DLG2: variants seen among roughly 807,000 people sequenced by gnomAD.
DLG2 encodes the protein disks large homolog 2.
A neutral mutation model predicts 132.5 loss-of-function variants in DLG2; 45 were observed. That is an observed-to-expected ratio of 0.34 (90% CI 0.27 to 0.44). The LOEUF is 0.44. DLG2 is among the 20% of genes least tolerant of loss of function. The probability of loss-of-function intolerance (pLI) is 1.00; values close to 1 mark genes in which losing one functional copy is unlikely to be tolerated. For missense variants in DLG2, 1,045 were observed against 1,196.9 expected, an observed-to-expected ratio of 0.87 and a Z score of 1.87; for synonymous variants, 424 against 419.6, an observed-to-expected ratio of 1.01 and a Z score of -0.13.
chr11:85,494,549 T>C (rs1239381975), intron 3 of DLG2, among the ~76,000 whole-genome samples: 7 of 151,756 alleles, frequency 4.6e-5, no homozygotes, highest in Admixed American at 4.6e-4. Context: ...TTTTTTAATC[T>C]TAAAAGTAAG....
In DLG2 at chr11:83,635,145, G is replaced by T. The variant is rs962374478; in HGVS notation, c.1826-1820C>A. On this transcript the variant is annotated intron_variant, in intron 18 of 27. Coordinates refer to ENST00000376104, the MANE Select transcript of DLG2 (RefSeq NM_001142699.3). Reference sequence around the variant, plus strand: ...AGTCCCAGCTATTTGGGAGACCGAGGCAGGAAAATCACTTGAGCCCAGGAT... The same window carrying T: ...AGTCCCAGCTATTTGGGAGACCGAGTCAGGAAAATCACTTGAGCCCAGGAT... 4.6e-5 allele frequency among the ~76,000 whole-genome samples: 7 copies of T among 152,250 alleles called. No homozygotes were observed. The South Asian group carries it at 1.2e-3, about 27-fold the overall frequency.
intron 18 of DLG2, among the ~76,000 whole-genome samples, chr11:83,637,737 G>A (rs1022099707): frequency 3.9e-4 from 59 of 152,178 alleles, no homozygotes; most frequent in African/African-American, 1.3e-3. Context: ...TTCATCTATT[G>A]TGTTAGTCAG....
intron 5 of DLG2, among the ~76,000 whole-genome samples, chr11:85,117,131 T>C (rs1330680861): frequency 2.0e-5 from 3 of 151,994 alleles, no homozygotes; most frequent in African/African-American, 7.2e-5. Context: ...TCTGGAGCCA[T>C]TGTAACACCT....
chr11:84,721,539 G>C (rs1156666189), intron 6 of DLG2, among the ~76,000 whole-genome samples: 1 of 113,774 alleles, frequency 8.8e-6, no homozygotes, highest in South Asian at 2.4e-4. Context: ...CAAAATTGCA[G>C]AAAGACCAAA....
chr11:84,441,297 C>G (rs149851539), intron 7 of DLG2, among the ~76,000 whole-genome samples: 1 of 151,982 alleles, frequency 6.6e-6, no homozygotes, highest in African/African-American at 2.4e-5. Flanking sequence ...TAGGCACATA[C>G]CATCATGCTT....
At chr11:84,502,269 T>G (rs2099215304) in intron 7 of DLG2, among the ~76,000 whole-genome samples, 3 of 57,088 alleles carry the variant, frequency 5.3e-5, no homozygotes, top group African/African-American at 1.9e-4. Flanking sequence ...CTTCCTTCCT[T>G]CCTTCCTTCC....
At chr11:85,334,411 A>G (rs775562240) in intron 3 of DLG2, among the ~76,000 whole-genome samples, 14 of 151,770 alleles carry the variant, frequency 9.2e-5, no homozygotes, top group Admixed American at 9.2e-4. Flanking sequence ...TTTTGTATAA[A>G]TTTTCATGTC....
At chr11:84,645,790 T>C (rs2099674148) in intron 6 of DLG2, among the ~76,000 whole-genome samples, 1 of 152,202 alleles carries the variant, frequency 6.6e-6, no homozygotes, top group South Asian at 2.1e-4. Flanking sequence ...AATAATGTTT[T>C]TGCATAGAGT....
intron 5 of DLG2, among the ~76,000 whole-genome samples, chr11:85,146,451 T>C (rs1406207495): frequency 1.3e-5 from 2 of 152,070 alleles, no homozygotes; most frequent in Non-Finnish European, 1.5e-5. Flanking sequence ...TCAGGTGGCA[T>C]ATTTAGCCAT....
At chr11:85,181,004 T>A (rs2079653595) in intron 4 of DLG2, among the ~76,000 whole-genome samples, 1 of 151,810 alleles carries the variant, frequency 6.6e-6, no homozygotes, top group Non-Finnish European at 1.5e-5. Flanking sequence ...TAATTATTCA[T>A]AGAAATCTTA....
intron 3 of DLG2, among the ~76,000 whole-genome samples, chr11:85,479,437 G>A (rs551598304): frequency 2.0e-4 from 31 of 152,246 alleles, no homozygotes; most frequent in East Asian, 1.3e-3. Flanking sequence ...TCCAAATACC[G>A]TCATATTGGA....
intron 15 of DLG2, among the ~76,000 whole-genome samples, chr11:83,880,527 T>C (rs2065925276): frequency 6.6e-6 from 1 of 152,066 alleles, no homozygotes; most frequent in South Asian, 2.1e-4. Flanking sequence ...AAGGGCCCTG[T>C]TTTTCCCAGG....
At position 85,144,472 on chromosome 11, in the gene DLG2, C is replaced by G. The variant is rs569223023; in HGVS notation, c.282+10084G>C. ...CTCCTCCCATTTTGTTATTTGTTTT[C>G]TGGTTACTTTGTGGTCTTCTCTTCC... On this transcript the variant is annotated intron_variant, in intron 5 of 27. Transcript: ENST00000376104. 4.1e-5 allele frequency among the ~76,000 whole-genome samples: 6 copies of G among 147,558 alleles called. No homozygotes were observed. The East Asian group carries it at 1.2e-3, about 30-fold the overall frequency.
chr11:85,355,886 A>C (rs1376963681), intron 3 of DLG2, among the ~76,000 whole-genome samples: 1 of 152,172 alleles, frequency 6.6e-6, no homozygotes, highest in Non-Finnish European at 1.5e-5. Flanking sequence ...TCAACTAGCT[A>C]ATGAGATTGT....
chr11:83,513,269 T>C (rs533036293), intron 21 of DLG2, among the ~76,000 whole-genome samples: 24 of 152,350 alleles, frequency 1.6e-4, no homozygotes, highest in Middle Eastern at 3.4e-3. Context: ...TGCAGTTCTC[T>C]GATGGCCAGT....
At chr11:85,162,950 C>A (rs1487211815) in intron 4 of DLG2, among the ~76,000 whole-genome samples, 2 of 152,128 alleles carry the variant, frequency 1.3e-5, no homozygotes, top group African/African-American at 4.8e-5. Context: ...GGCAGACCCA[C>A]CCTTAATCTG....
intron 2 of DLG2, among the ~76,000 whole-genome samples, chr11:85,607,012 C>G: frequency 6.6e-6 from 1 of 152,202 alleles, no homozygotes; most frequent in Admixed American, 6.5e-5. Context: ...ACAAAGAACC[C>G]ACCAATTCTG....
At chr11:85,318,211 T>C (rs2080820895) in intron 3 of DLG2, among the ~76,000 whole-genome samples, 2 of 151,906 alleles carry the variant, frequency 1.3e-5, no homozygotes. Flanking sequence ...CATATTGGCA[T>C]CCCTAAATGA....
At chr11:84,764,673 G>GGT (rs2068144671) in intron 6 of DLG2, among the ~76,000 whole-genome samples, 1 of 151,834 alleles carries the variant, frequency 6.6e-6, no homozygotes, top group Admixed American at 6.6e-5. Context: ...GCATATATAT[G>GGT]GTATATATAT....
Sources: gnomAD v4.1 joint callset for allele counts (sites outside exome capture counted in the v4.1 genomes callset) on GRCh38, gnomAD v4.1.1 for gene constraint, MANE v1.5 for transcripts, NCBI Gene and HGNC (gene_info 2026-07-23, HGNC 2026-07-21) for gene names.